Variants in TMEM45A observed in about 807,000 individuals in gnomAD.
TMEM45A encodes the protein DNA polymerase-transactivated protein 4.
Under a neutral mutation model 32.0 loss-of-function variants are expected in TMEM45A, and 25 were observed. The observed-to-expected ratio is 0.78, with a 90% confidence interval of 0.57 to 1.09. The LOEUF is 1.09. Among genes scored for constraint, TMEM45A ranks in the 50% least tolerant of loss-of-function variants. TMEM45A has a pLI of 0.00. For synonymous variants in TMEM45A, 122 were observed against 114.8 expected (o/e 1.06, Z -0.40); for missense variants, 302 against 325.0 (o/e 0.93, Z 0.54).
At chr3:100,576,273 A>T (rs1283700010) in intron 5 of TMEM45A, among the ~76,000 whole-genome samples, 2 of 152,062 alleles carry the variant, frequency 1.3e-5, no homozygotes, top group Admixed American at 6.6e-5. Flanking sequence ...AGATGGTGAA[A>T]CCCCATCTCT....
chr3:100,502,464 C>T (rs939329458), intron 1 of TMEM45A, among the ~76,000 whole-genome samples: 35 of 152,060 alleles, frequency 2.3e-4, no homozygotes, highest in Non-Finnish European at 1.5e-5. Context: ...GTGTATCTAT[C>T]GATCTATCAA....
intron 1 of TMEM45A, among the ~76,000 whole-genome samples, chr3:100,504,234 A>G (rs989111785): frequency 6.7e-6 from 1 of 148,990 alleles, no homozygotes; most frequent in Non-Finnish European, 1.5e-5. Flanking sequence ...AGTCCATTGT[A>G]GCCTTATATT....
chr3:100,508,507 A>G (rs1708110115), intron 1 of TMEM45A, among the ~76,000 whole-genome samples: 1 of 152,234 alleles, frequency 6.6e-6, no homozygotes, highest in African/African-American at 2.4e-5. Context: ...AGCCAAATCA[A>G]TAGTAAGCAA....
intron 1 of TMEM45A, among the ~76,000 whole-genome samples, chr3:100,539,396 A>G (rs184685115): frequency 7.2e-6 from 1 of 138,890 alleles, no homozygotes; most frequent in Non-Finnish European, 1.6e-5. Flanking sequence ...GTATGCCCAC[A>G]GTATTAGGGT....
chr3:100,561,195 G>A (rs79120786), intron 4 of TMEM45A, among the ~76,000 whole-genome samples: 6,253 of 152,242 alleles, frequency 0.041, 449 homozygotes, highest in African/African-American at 0.14. Flanking sequence ...AAACTTAGGT[G>A]AATATATTAT....
Position 100,556,915 on chromosome 3 carries a change from A to G in TMEM45A, c.346A>G (p.Ser116Gly). ...GVADILCFTI[S>G]SLPVSLTKLM... is the part of the protein sequence containing the mutation. ...GGCAGATATCTTATGTTTCACCATCAGTTCACTTCCTGTGTCCTTAACCAA... is the reference window on the plus strand; with the variant it reads ...GGCAGATATCTTATGTTTCACCATCGGTTCACTTCCTGTGTCCTTAACCAA... The change falls in exon 3 of 6, where the codon AGT becomes GGT. Residue 116 changes from serine to glycine, a missense_variant. Coordinates refer to ENST00000323523, the MANE Select transcript of TMEM45A (RefSeq NM_018004.3). 2 of 1,614,190 alleles carry G rather than the reference A, an allele frequency of 1.2e-6. No homozygotes were observed. The highest frequency in any genetic ancestry group is 8.5e-7 in the Non-Finnish European group (1 of 1,180,004).
chr3:100,550,204 A>AG (rs1406683415), intron 1 of TMEM45A, among the ~76,000 whole-genome samples: 20 of 123,344 alleles, frequency 1.6e-4, no homozygotes, highest in African/African-American at 5.7e-4. Context: ...ATAAAAAAAA[A>AG]AAAGAAAAAA....
intron 1 of TMEM45A, among the ~76,000 whole-genome samples, chr3:100,552,075 T>G (rs1216984721): frequency 3.3e-5 from 5 of 152,170 alleles, no homozygotes; most frequent in African/African-American, 9.7e-5. Flanking sequence ...ATTTTAAAAT[T>G]TCATCATATC....
intron 1 of TMEM45A, among the ~76,000 whole-genome samples, chr3:100,500,500 T>C (rs1002175434): frequency 6.6e-6 from 1 of 152,192 alleles, no homozygotes; most frequent in African/African-American, 2.4e-5. Flanking sequence ...GTTCCCTCTC[T>C]CTGGACTCTT....
intron 1 of TMEM45A, among the ~76,000 whole-genome samples, chr3:100,530,275 G>A (rs1427035552): frequency 2.6e-5 from 4 of 152,150 alleles, no homozygotes; most frequent in African/African-American, 9.7e-5. Flanking sequence ...ATTTTCAGGG[G>A]CTGGCAAGTC....
chr3:100,513,404 G>T (rs1315762962), intron 1 of TMEM45A, among the ~76,000 whole-genome samples: 11 of 150,444 alleles, frequency 7.3e-5, no homozygotes, highest in African/African-American at 2.7e-4. Context: ...ATGCAGAAAA[G>T]GCCTTTGACA....
chr3:100,518,645 G>A (rs555877395), intron 1 of TMEM45A, among the ~76,000 whole-genome samples: 4 of 152,302 alleles, frequency 2.6e-5, no homozygotes, highest in Non-Finnish European at 5.9e-5. Context: ...GCAGGTACAA[G>A]TGCTGAAACT....
At chr3:100,558,914 C>G (rs914206667) in intron 4 of TMEM45A, among the ~76,000 whole-genome samples, 2 of 152,108 alleles carry the variant, frequency 1.3e-5, no homozygotes, top group African/African-American at 2.4e-5. Flanking sequence ...ATATAGAAGG[C>G]AGAAAAGAGA....
intron 5 of TMEM45A, among the ~76,000 whole-genome samples, chr3:100,570,343 C>T: frequency 6.6e-6 from 1 of 152,202 alleles, no homozygotes; most frequent in East Asian, 1.9e-4. Flanking sequence ...TTCTTTGTGC[C>T]TCATTGCTGA....
At chr3:100,547,296 A>G (rs1420817177) in intron 1 of TMEM45A, among the ~76,000 whole-genome samples, 1 of 151,426 alleles carries the variant, frequency 6.6e-6, no homozygotes, top group South Asian at 2.1e-4. Context: ...TAATTTTTGT[A>G]TTTTTAGTAG....
chr3:100,504,433 T>C (rs541846669), intron 1 of TMEM45A, among the ~76,000 whole-genome samples: 133 of 152,322 alleles, frequency 8.7e-4, no homozygotes, highest in Middle Eastern at 3.4e-3. Context: ...ACTTTGATTC[T>C]TTCCCCGTAT....
chr3:100,511,708 T>G (rs988393735), intron 1 of TMEM45A, among the ~76,000 whole-genome samples: 1 of 151,012 alleles, frequency 6.6e-6, no homozygotes, highest in Non-Finnish European at 1.5e-5. Flanking sequence ...GACCCATCAG[T>G]GTGCTGTATT....
At chr3:100,555,085 A>C (rs1440075409) in intron 1 of TMEM45A, 124 bp from the exon 2 acceptor site, 1 of 835,184 alleles carries the variant, frequency 1.2e-6, no homozygotes, top group Non-Finnish European at 1.9e-6. Context: ...GGATCCTCAG[A>C]ATCATCCTCA....
In TMEM45A at chr3:100,568,984, T is replaced by C; in HGVS notation, c.734+17T>C. On this transcript the variant is annotated intron_variant, in intron 5 of 5. Transcript: ENST00000323523. The stretch of plus-strand genomic sequence containing the variant: ...CATTACCTGGTAAGTTAGCGATTTC[T>C]GTTAATGGAAGTTCTGTTCCTTGGT... 2 of 1,605,076 alleles carry C rather than the reference T, an allele frequency of 1.2e-6. No homozygotes were observed. The highest frequency in any genetic ancestry group is 1.1e-5 in the South Asian group (1 of 90,382).
Sources: allele counts gnomAD v4.1 joint callset (sites outside exome capture counted in the v4.1 genomes callset), GRCh38; gene constraint gnomAD v4.1.1; transcripts MANE v1.5; gene names NCBI Gene and HGNC (gene_info 2026-07-23, HGNC 2026-07-21).